GPM6A: variants seen among roughly 807,000 people sequenced by gnomAD.
The protein encoded by GPM6A is glycoprotein M6A, also known as neuronal membrane glycoprotein M6-a.
In GPM6A, 7 loss-of-function variants were observed where a neutral mutation model predicts 32.1. The observed-to-expected ratio is 0.22, with a 90% confidence interval of 0.12 to 0.41. The LOEUF is 0.41. Ranked by LOEUF, GPM6A falls within the 10% of genes least tolerant of loss-of-function variation. The probability of loss-of-function intolerance (pLI) is 1.00; values close to 1 mark genes in which losing one functional copy is unlikely to be tolerated. For synonymous variants in GPM6A, 130 were observed against 123.4 expected (o/e 1.05, Z -0.35); for missense variants, 235 against 347.2 (o/e 0.68, Z 2.57).
chr4:175,821,588 G>A (rs1240829989), intron 1 of GPM6A, among the ~76,000 whole-genome samples: 1 of 151,908 alleles, frequency 6.6e-6, no homozygotes, highest in East Asian at 1.9e-4. Context: ...CCATGAACAT[G>A]AGATCTCTTT....
At chr4:175,794,974 T>C (rs1406863999) in intron 1 of GPM6A, among the ~76,000 whole-genome samples, 1 of 152,108 alleles carries the variant, frequency 6.6e-6, no homozygotes, top group Non-Finnish European at 1.5e-5. Context: ...TTAAAGCGAA[T>C]AGAAATTGGA....
chr4:175,873,709 C>A (rs1225764945), intron 1 of GPM6A, among the ~76,000 whole-genome samples: 1 of 152,038 alleles, frequency 6.6e-6, no homozygotes, highest in Non-Finnish European at 1.5e-5. Flanking sequence ...AATGAATCCC[C>A]AATATTTAAA....
chr4:175,727,751 C>G (rs1731241431), intron 1 of GPM6A, among the ~76,000 whole-genome samples: 1 of 152,146 alleles, frequency 6.6e-6, no homozygotes, highest in Admixed American at 6.6e-5. Context: ...CACCTGTAAT[C>G]CCAGCACTTT....
intron 1 of GPM6A, among the ~76,000 whole-genome samples, chr4:175,960,593 C>T (rs1216078505): frequency 6.6e-6 from 1 of 152,150 alleles, no homozygotes; most frequent in African/African-American, 2.4e-5. Flanking sequence ...CGCCATCCCC[C>T]AACCCTGTGT....
intron 1 of GPM6A, among the ~76,000 whole-genome samples, chr4:175,770,610 C>T (rs185521826): frequency 8.5e-5 from 13 of 152,232 alleles, no homozygotes; most frequent in Admixed American, 2.6e-4. Flanking sequence ...CAGCATTGCA[C>T]ATGTGCTATA....
At chr4:175,846,209 C>T (rs1736082369) in intron 1 of GPM6A, among the ~76,000 whole-genome samples, 1 of 152,044 alleles carries the variant, frequency 6.6e-6, no homozygotes, top group Non-Finnish European at 1.5e-5. Flanking sequence ...ATTTTTTGTA[C>T]ATATAGGCTT....
chr4:175,634,866 C>A lies in GPM6A; in HGVS notation c.*39G>T. Reference sequence around the variant, plus strand: ...TGGTTGGATGGCCCTTAGTTAAACACCAATGCATTCAAATGGTAGAAAGAA... The same window carrying A: ...TGGTTGGATGGCCCTTAGTTAAACAACAATGCATTCAAATGGTAGAAAGAA... On this transcript the variant is annotated 3_prime_UTR_variant, in exon 7 of 7. Coordinates refer to ENST00000393658, the MANE Select transcript of GPM6A (RefSeq NM_201591.3). 1 of 1,580,024 alleles carries A rather than the reference C, an allele frequency of 6.3e-7. No individual in the cohort carries two copies. The highest frequency in any genetic ancestry group is 8.7e-7 in the Non-Finnish European group (1 of 1,151,790).
At chr4:175,886,457 T>G (rs1311681104) in intron 1 of GPM6A, among the ~76,000 whole-genome samples, 1 of 151,992 alleles carries the variant, frequency 6.6e-6, no homozygotes, top group Non-Finnish European at 1.5e-5. Context: ...TAACCAACCC[T>G]GAAGGAGTTC....
chr4:175,885,314 C>T (rs1737416248), intron 1 of GPM6A, among the ~76,000 whole-genome samples: 1 of 152,172 alleles, frequency 6.6e-6, no homozygotes, highest in Admixed American at 6.5e-5. Context: ...GGTTCAAAAA[C>T]AGACAAAAGT....
intron 6 of GPM6A, among the ~76,000 whole-genome samples, chr4:175,636,285 T>TATATATATATATATAC (rs1560840528): frequency 3.6e-5 from 5 of 138,408 alleles, no homozygotes; most frequent in African/African-American, 1.3e-4. Flanking sequence ...TATATATATA[T>TATATATATATATATAC]ATATATATAT....
chr4:175,714,787 A>C (rs1430847024), intron 1 of GPM6A, among the ~76,000 whole-genome samples: 1 of 152,130 alleles, frequency 6.6e-6, no homozygotes, highest in Non-Finnish European at 1.5e-5. Context: ...TTTAAGAAAT[A>C]TATTACTAAT....
chr4:175,789,456 G>A (rs892654288), intron 1 of GPM6A, among the ~76,000 whole-genome samples: 3 of 151,972 alleles, frequency 2.0e-5, no homozygotes, highest in Non-Finnish European at 2.9e-5. Flanking sequence ...AATTTATCTT[G>A]TTTTTATTAT....
chr4:175,691,776 T>C (rs1024070298), intron 2 of GPM6A, among the ~76,000 whole-genome samples: 52 of 152,192 alleles, frequency 3.4e-4, no homozygotes, highest in African/African-American at 1.2e-3. Flanking sequence ...GTGATTAAAT[T>C]AATGATATTG....
intron 1 of GPM6A, among the ~76,000 whole-genome samples, chr4:175,834,814 C>G (rs1735715592): frequency 6.6e-6 from 1 of 152,174 alleles, no homozygotes; most frequent in South Asian, 2.1e-4. Context: ...TCTTTTGCAT[C>G]TGATATCTCT....
At chr4:175,651,753 C>A in intron 4 of GPM6A, 81 bp downstream of exon 4, 1 of 1,032,078 alleles carries the variant, frequency 9.7e-7, no homozygotes, top group Non-Finnish European at 1.4e-6. Flanking sequence ...CCAAAGTGAT[C>A]TATAATATTT....
At chr4:175,868,184 T>C (rs1393982586) in intron 1 of GPM6A, among the ~76,000 whole-genome samples, 1 of 152,220 alleles carries the variant, frequency 6.6e-6, no homozygotes, top group Non-Finnish European at 1.5e-5. Context: ...CTTTCACCTG[T>C]CTGTCTCTCC....
chr4:175,681,368 A>T (rs1260026072), intron 2 of GPM6A, among the ~76,000 whole-genome samples: 1 of 152,158 alleles, frequency 6.6e-6, no homozygotes. Context: ...TTTTAATATG[A>T]TTATGGGCAC....
At chr4:175,787,434 A>G (rs1698191616) in intron 1 of GPM6A, 1 of 1,515,492 alleles carries the variant, frequency 6.6e-7, no homozygotes, top group Non-Finnish European at 8.8e-7. Flanking sequence ...TCCTGTGACA[A>G]TTTAACATTC....
chr4:175,805,070 A>G (rs1734638619), intron 1 of GPM6A, among the ~76,000 whole-genome samples: 1 of 151,980 alleles, frequency 6.6e-6, no homozygotes, highest in South Asian at 2.1e-4. Flanking sequence ...ACAAAACAAA[A>G]ACAAAATGAA....
Sources: gnomAD v4.1 joint callset for allele counts (sites outside exome capture counted in the v4.1 genomes callset) on GRCh38, gnomAD v4.1.1 for gene constraint, MANE v1.5 for transcripts, NCBI Gene and HGNC (gene_info 2026-07-23, HGNC 2026-07-21) for gene names.